SLC27A6: variants seen among roughly 807,000 people sequenced by gnomAD.
SLC27A6 encodes the protein long-chain fatty acid transport protein 6.
SLC27A6 carries 74 observed loss-of-function variants against 63.9 expected under a neutral mutation model. The ratio of observed to expected loss-of-function variants is 1.16; its 90% CI spans 0.96 to 1.40. The LOEUF is 1.40. Ranked by LOEUF, SLC27A6 falls within the 40% of genes most tolerant of loss-of-function variation. SLC27A6 has a pLI of 0.00. For missense variants in SLC27A6, 794 were observed against 732.9 expected, an observed-to-expected ratio of 1.08 and a Z score of -0.96; for synonymous variants, 287 against 260.8, an observed-to-expected ratio of 1.10 and a Z score of -0.97.
At chr5:129,023,791 G>A in intron 6 of SLC27A6, 81 bp downstream of exon 6, 1 of 1,031,842 alleles carries the variant, frequency 9.7e-7, no homozygotes, top group Non-Finnish European at 1.5e-6. Context: ...ATCCTTGGGG[G>A]ATTGGTTCCA....
chr5:128,986,562 T>C (rs1420278064), intron 2 of SLC27A6, among the ~76,000 whole-genome samples: 1 of 152,182 alleles, frequency 6.6e-6, no homozygotes, highest in Non-Finnish European at 1.5e-5. Context: ...CCTTTTAGAC[T>C]GGAGAATATA....
chr5:129,023,239 A>G (rs73784826), intron 5 of SLC27A6, among the ~76,000 whole-genome samples: 32 of 152,210 alleles, frequency 2.1e-4, no homozygotes, highest in African/African-American at 6.7e-4. Flanking sequence ...TTCTATTAAA[A>G]CTTTTCATTT....
In SLC27A6 at chr5:129,026,446, G is replaced by A. The variant is rs1203021033; in HGVS notation, c.1256-687G>A. Among the ~76,000 whole-genome samples, 4 of 152,098 alleles carry A rather than the reference G, an allele frequency of 2.6e-5. No individual in the cohort carries two copies. In the East Asian group the frequency reaches 7.7e-4, roughly 29 times the overall value. On this transcript the variant is annotated intron_variant, in intron 6 of 9. Transcript: ENST00000262462. ...TCATAGAATAGGAAACCTTTTCAAT[G>A]TCTCATCTCTTTCCCATCAAAAATT...
rs564295580 is a variant in SLC27A6 at position 129,005,882 on chromosome 5, G to A, written c.970-10003G>A. Among the ~76,000 whole-genome samples, 7 of 151,680 alleles carry A rather than the reference G, an allele frequency of 4.6e-5. No homozygotes were observed. The South Asian group carries it at 1.3e-3, about 27-fold the overall frequency. On this transcript the variant is annotated intron_variant, in intron 4 of 9. Coordinates refer to ENST00000262462, the MANE Select transcript of SLC27A6 (RefSeq NM_001017372.3). ...CTGCCTCGGCCCCCCAAAGTGCTAG[G>A]ATTACAGGCGTGAGCCACCGTGGCC...
At position 128,981,391 on chromosome 5, in the gene SLC27A6, G is replaced by A. The variant is rs188828129; in HGVS notation, c.482-3742G>A. Among the ~76,000 whole-genome samples the A allele has an allele frequency of 7.0e-3, 1,061 of 151,828 alleles. 55 individuals are homozygous for A. The highest frequency in any genetic ancestry group is 0.064 in the Admixed American group (982 of 15,252). On this transcript the variant is annotated intron_variant, in intron 1 of 9. Transcript: ENST00000262462. Reference sequence around the variant, plus strand: ...AGCTACTTGGGAGGCTGAGGTAGGAGAATCACTTGAACCTGGGTGGCGGAG... The same window carrying A: ...AGCTACTTGGGAGGCTGAGGTAGGAAAATCACTTGAACCTGGGTGGCGGAG...
chr5:128,998,190 G>T (rs1398742722), intron 4 of SLC27A6, among the ~76,000 whole-genome samples: 1 of 151,832 alleles, frequency 6.6e-6, no homozygotes, highest in African/African-American at 2.4e-5. Flanking sequence ...TATGGGGGAG[G>T]CTGAGGTGGC....
chr5:129,019,301 C>T lies in SLC27A6; in HGVS notation c.1164+3222C>T, dbSNP rs543157595. Among the ~76,000 whole-genome samples the T allele has an allele frequency of 4.6e-5, 7 of 151,592 alleles. No homozygotes were observed. The East Asian group carries it at 1.4e-3, about 29-fold the overall frequency. ...TTCTCTTTTTCTGTAGTATTTTCAC[C>T]TGGGGAAAGTAACTAGGAAGAGACA... is the stretch of plus-strand genomic sequence containing the variant. On this transcript the variant is annotated intron_variant, in intron 5 of 9. Coordinates refer to ENST00000262462, the MANE Select transcript of SLC27A6 (RefSeq NM_001017372.3).
At chr5:128,978,969 C>T (rs185722454) in intron 1 of SLC27A6, among the ~76,000 whole-genome samples, 4 of 151,996 alleles carry the variant, frequency 2.6e-5, no homozygotes, top group Admixed American at 2.6e-4. Flanking sequence ...AGCCTAGGAG[C>T]GATAGGCTAT....
chr5:129,028,414 A>G lies in SLC27A6; in HGVS notation c.1524A>G (p.Glu508=). ...DVIGMLDFIQ[E]ANVYGVAISG... is the part of the protein sequence containing the mutation. ...TTGGAATGTTGGATTTCATACAGGA[A>G]GCAAACGTCTATGGTGTGGCTATAT... The change falls in exon 8 of 10, where the codon GAA becomes GAG. Residue 508 remains glutamate, a synonymous_variant. Coordinates refer to ENST00000262462, the MANE Select transcript of SLC27A6 (RefSeq NM_001017372.3). 1 of 1,607,738 alleles carries G rather than the reference A, an allele frequency of 6.2e-7. No homozygotes were observed. Among genetic ancestry groups the G allele is most frequent in the Non-Finnish European group, 8.5e-7 (1 of 1,175,034 alleles).
intron 2 of SLC27A6, among the ~76,000 whole-genome samples, chr5:128,987,994 T>C (rs1033883954): frequency 7.2e-5 from 11 of 152,100 alleles, no homozygotes; most frequent in Non-Finnish European, 1.2e-4. Flanking sequence ...GTCATCATGA[T>C]ATTACAGACT....
chr5:128,971,769 G>T (rs1422954634), intron 1 of SLC27A6, among the ~76,000 whole-genome samples: 2 of 152,054 alleles, frequency 1.3e-5, no homozygotes, highest in Non-Finnish European at 2.9e-5. Context: ...TACATTTAAT[G>T]CTAATATTGT....
chr5:129,009,738 G>A (rs980564630), intron 4 of SLC27A6, among the ~76,000 whole-genome samples: 1 of 151,836 alleles, frequency 6.6e-6, no homozygotes, highest in African/African-American at 2.4e-5. Context: ...GCAGTGGCGC[G>A]ATCTCGGCTC....
At chr5:129,014,287 G>A (rs888173339) in intron 4 of SLC27A6, among the ~76,000 whole-genome samples, 1 of 152,164 alleles carries the variant, frequency 6.6e-6, no homozygotes, top group African/African-American at 2.4e-5. Flanking sequence ...GCCTCTAGGT[G>A]TGTCTGAAGA....
intron 1 of SLC27A6, among the ~76,000 whole-genome samples, chr5:128,974,392 CT>C: frequency 6.6e-6 from 1 of 152,270 alleles, no homozygotes; most frequent in South Asian, 2.1e-4. Flanking sequence ...GTCACCCATT[CT>C]TTCTGGCATA....
At chr5:128,992,187 A>C (rs190929642) in intron 4 of SLC27A6, among the ~76,000 whole-genome samples, 2 of 572 alleles carry the variant, frequency 3.5e-3, no homozygotes, top group African/African-American at 0.014. Context: ...GGATCTCTCA[A>C]TAGAGTAGGA....
At chr5:129,006,736 G>A (rs1259790848) in intron 4 of SLC27A6, among the ~76,000 whole-genome samples, 5 of 152,000 alleles carry the variant, frequency 3.3e-5, no homozygotes, top group Non-Finnish European at 5.9e-5. Flanking sequence ...TGTCATTTAT[G>A]TTTAACTCTT....
At chr5:129,019,684 A>G (rs1386524900) in intron 5 of SLC27A6, among the ~76,000 whole-genome samples, 12 of 152,042 alleles carry the variant, frequency 7.9e-5, no homozygotes, top group Non-Finnish European at 1.6e-4. Context: ...AAATAGAGGA[A>G]AAAATGTAAA....
intron 1 of SLC27A6, among the ~76,000 whole-genome samples, chr5:128,984,355 T>C (rs533996306): frequency 6.6e-6 from 1 of 152,294 alleles, no homozygotes; most frequent in African/African-American, 2.4e-5. Context: ...TTTTCACCAC[T>C]ACTCCTCTCT....
intron 1 of SLC27A6, among the ~76,000 whole-genome samples, chr5:128,968,898 T>C (rs1320299618): frequency 1.3e-5 from 2 of 152,224 alleles, no homozygotes; most frequent in African/African-American, 4.8e-5. Flanking sequence ...TGGTTTTAGG[T>C]CTAACATTTA....
Sources: allele counts gnomAD v4.1 joint callset (sites outside exome capture counted in the v4.1 genomes callset), GRCh38; gene constraint gnomAD v4.1.1; transcripts MANE v1.5; gene names NCBI Gene and HGNC (gene_info 2026-07-23, HGNC 2026-07-21).